The following SLC25A21 variants were observed in gnomAD, a reference collection of about 807,000 sequenced individuals.
The protein encoded by SLC25A21 is mitochondrial 2-oxodicarboxylate carrier.
In SLC25A21, 47 loss-of-function variants were observed where a neutral mutation model predicts 43.8. The ratio of observed to expected loss-of-function variants is 1.07; its 90% CI spans 0.85 to 1.37. SLC25A21 has a LOEUF of 1.37. Ranked by LOEUF, SLC25A21 falls within the 40% of genes most tolerant of loss-of-function variation. The pLI is 0.00. For missense variants in SLC25A21, 352 were observed against 350.2 expected, an observed-to-expected ratio of 1.00 and a Z score of -0.04; for synonymous variants, 131 against 121.3, an observed-to-expected ratio of 1.08 and a Z score of -0.52.
At chr14:36,738,895 T>A (rs1178016514) in intron 3 of SLC25A21, among the ~76,000 whole-genome samples, 1 of 152,224 alleles carries the variant, frequency 6.6e-6, no homozygotes, top group African/African-American at 2.4e-5. Context: ...TAAAAACATG[T>A]AGGTATATGT....
At chr14:36,779,016 T>G (rs1410772402) in intron 3 of SLC25A21, among the ~76,000 whole-genome samples, 2 of 151,914 alleles carry the variant, frequency 1.3e-5, no homozygotes, top group African/African-American at 2.4e-5. Flanking sequence ...TTCTACTCTG[T>G]TTTTATGAGT....
At chr14:36,847,671 A>G (rs1889589328) in intron 2 of SLC25A21, among the ~76,000 whole-genome samples, 1 of 152,144 alleles carries the variant, frequency 6.6e-6, no homozygotes, top group Non-Finnish European at 1.5e-5. Context: ...GGTTCCTAGA[A>G]TTTGAGAAGG....
At chr14:36,991,410 T>G (rs1960260936) in intron 1 of SLC25A21, among the ~76,000 whole-genome samples, 1 of 152,198 alleles carries the variant, frequency 6.6e-6, no homozygotes, top group South Asian at 2.1e-4. Context: ...GACCTGCTGT[T>G]GCCTGGAGAA....
intron 2 of SLC25A21, among the ~76,000 whole-genome samples, chr14:36,845,713 A>G (rs926372521): frequency 1.3e-5 from 2 of 152,256 alleles, no homozygotes; most frequent in African/African-American, 4.8e-5. Context: ...AGGACTTGCT[A>G]TCAGCTTCCA....
intron 1 of SLC25A21, among the ~76,000 whole-genome samples, chr14:36,946,503 A>G (rs1406075628): frequency 6.6e-6 from 1 of 152,180 alleles, no homozygotes; most frequent in Non-Finnish European, 1.5e-5. Flanking sequence ...ATGAAAGTTT[A>G]GTGTTTGTGT....
intron 3 of SLC25A21, among the ~76,000 whole-genome samples, chr14:36,798,902 A>AAGAGAC (rs1555328935): frequency 1.3e-5 from 2 of 150,770 alleles, no homozygotes; most frequent in African/African-American, 2.4e-5. Flanking sequence ...TAGGGAGAGA[A>AAGAGAC]AGAGAGAGAG....
intron 1 of SLC25A21, among the ~76,000 whole-genome samples, chr14:36,875,420 TA>T (rs1291501371): frequency 6.6e-6 from 1 of 152,062 alleles, no homozygotes; most frequent in Middle Eastern, 3.2e-3. Flanking sequence ...TTAGTAAACA[TA>T]GCAAATCAGA....
intron 1 of SLC25A21, among the ~76,000 whole-genome samples, chr14:36,915,564 G>C (rs138601415): frequency 1.3e-5 from 2 of 152,198 alleles, no homozygotes; most frequent in African/African-American, 4.8e-5. Flanking sequence ...ATCTGCATAA[G>C]GCTCTCTATC....
chr14:36,886,447 A>G (rs1372670522), intron 1 of SLC25A21, among the ~76,000 whole-genome samples: 1 of 152,200 alleles, frequency 6.6e-6, no homozygotes, highest in Non-Finnish European at 1.5e-5. Flanking sequence ...TTTAAACGTA[A>G]CTAACACTAA....
At chr14:36,891,139 C>T (rs1312497058) in intron 1 of SLC25A21, among the ~76,000 whole-genome samples, 1 of 152,064 alleles carries the variant, frequency 6.6e-6, no homozygotes, top group East Asian at 1.9e-4. Context: ...CTAGGAAAGG[C>T]GGTGGCCCTA....
At chr14:37,014,584 A>C (rs2138743867) in intron 1 of SLC25A21, among the ~76,000 whole-genome samples, 1 of 151,798 alleles carries the variant, frequency 6.6e-6, no homozygotes, top group East Asian at 1.9e-4. Flanking sequence ...AATTTTTTCC[A>C]AACTCCTGTC....
intron 1 of SLC25A21, among the ~76,000 whole-genome samples, chr14:36,982,669 G>T (rs1960055749): frequency 6.6e-6 from 1 of 152,052 alleles, no homozygotes; most frequent in South Asian, 2.1e-4. Flanking sequence ...ACAAAAATTA[G>T]CTGGGCATGG....
intron 1 of SLC25A21, among the ~76,000 whole-genome samples, chr14:36,954,895 T>C (rs1446930725): frequency 2.0e-5 from 3 of 152,148 alleles, no homozygotes; most frequent in Non-Finnish European, 2.9e-5. Context: ...AGCTCAAATA[T>C]TGCCACTCCT....
Position 37,040,369 on chromosome 14 carries a change from G to GAA in SLC25A21, c.70+131911_70+131912insTT, listed in dbSNP as rs1555343487. Among the ~76,000 whole-genome samples the GAA allele has an allele frequency of 3.9e-4, 11 of 28,300 alleles. No homozygotes were observed. In the East Asian group the frequency reaches 5.6e-3, roughly 14 times the overall value. 18.6% of individuals were successfully genotyped at this position (28,300 alleles called of 152,430 possible). A position where few individuals can be genotyped will look rare whatever the true frequency, so the allele number is the denominator to read the frequency against. On this transcript the variant is annotated intron_variant, in intron 1 of 9. Coordinates refer to ENST00000331299, the MANE Select transcript of SLC25A21 (RefSeq NM_030631.4). ...GGAAGGAAGGAAAGAAAGAGAGAGA[G>GAA]AGAGAGAAAGAAAGAAAGAAAGAAA...
intron 1 of SLC25A21, among the ~76,000 whole-genome samples, chr14:37,157,222 A>G (rs8015843): frequency 0.39 from 59,658 of 151,616 alleles, 12,579 homozygotes; most frequent in African/African-American, 0.56. Flanking sequence ...TTAACTGGGC[A>G]TGGTGGTGCA....
intron 1 of SLC25A21, among the ~76,000 whole-genome samples, chr14:36,943,567 T>G (rs767857740): frequency 3.9e-5 from 6 of 152,162 alleles, no homozygotes; most frequent in Non-Finnish European, 2.9e-5. Context: ...ATTCTAAGTA[T>G]TCACACTATT....
intron 1 of SLC25A21, among the ~76,000 whole-genome samples, chr14:36,892,723 G>A (rs556497035): frequency 1.1e-4 from 16 of 151,308 alleles, no homozygotes; most frequent in East Asian, 7.8e-4. Context: ...AACTGGCCCC[G>A]GTGTGTGATG....
At chr14:36,732,475 T>C (rs8003134) in intron 4 of SLC25A21, among the ~76,000 whole-genome samples, 85,189 of 151,868 alleles carry the variant, frequency 0.56, 24,201 homozygotes, top group Admixed American at 0.67. Flanking sequence ...AACTACAATA[T>C]TAACTCTGTC....
At chr14:36,713,554 A>G (rs1161239762) in intron 6 of SLC25A21, among the ~76,000 whole-genome samples, 3 of 152,222 alleles carry the variant, frequency 2.0e-5, no homozygotes, top group Admixed American at 1.3e-4. Flanking sequence ...AATTGGAAAT[A>G]GGAGCTCAGA....
Sources: gnomAD v4.1 joint callset for allele counts (sites outside exome capture counted in the v4.1 genomes callset) on GRCh38, gnomAD v4.1.1 for gene constraint, MANE v1.5 for transcripts, NCBI Gene and HGNC (gene_info 2026-07-23, HGNC 2026-07-21) for gene names.